MYBL1: variants seen among roughly 807,000 people sequenced by gnomAD.
MYBL1 encodes myb-related protein A.
Under a neutral mutation model 96.3 loss-of-function variants are expected in MYBL1, and 17 were observed. The ratio of observed to expected loss-of-function variants is 0.18; its 90% CI spans 0.12 to 0.26. MYBL1 has a LOEUF of 0.26. Among genes scored for constraint, MYBL1 ranks in the 10% least tolerant of loss-of-function variants. The probability of loss-of-function intolerance (pLI) is 1.00; values close to 1 mark genes in which losing one functional copy is unlikely to be tolerated. For missense variants in MYBL1, 701 were observed against 882.9 expected (o/e 0.79, Z 2.61); for synonymous variants, 282 against 292.7 (o/e 0.96, Z 0.37).
At chr8:66,598,772 T>A (rs1412872513) in intron 4 of MYBL1, among the ~76,000 whole-genome samples, 1 of 152,212 alleles carries the variant, frequency 6.6e-6, no homozygotes, top group African/African-American at 2.4e-5. Flanking sequence ...GTTGTGAAAC[T>A]GAGCTCAAAA....
intron 10 of MYBL1, among the ~76,000 whole-genome samples, chr8:66,573,778 AT>A (rs1400252737): frequency 6.6e-6 from 1 of 152,216 alleles, no homozygotes; most frequent in Non-Finnish European, 1.5e-5. Flanking sequence ...TACAAAAAAA[AT>A]ACTAAAAATT....
chr8:66,590,917 C>T (rs1362298321), intron 8 of MYBL1, among the ~76,000 whole-genome samples: 1 of 152,064 alleles, frequency 6.6e-6, no homozygotes, highest in Non-Finnish European at 1.5e-5. Flanking sequence ...CAGGGATATT[C>T]AATGTTCCCA....
At position 66,613,118 on chromosome 8, in the gene MYBL1, C is replaced by T. The variant is rs1047177137; in HGVS notation, c.-280G>A. On this transcript the variant is annotated 5_prime_UTR_variant, in exon 1 of 16. Coordinates refer to ENST00000522677, the MANE Select transcript of MYBL1 (RefSeq NM_001080416.4). ...CAGGAGGCGCGATCCCGCCCTCCGCCGGCTTCTCCCGCCGCTTGTCAGCCT... is the reference window on the plus strand; with the variant it reads ...CAGGAGGCGCGATCCCGCCCTCCGCTGGCTTCTCCCGCCGCTTGTCAGCCT... 3.0e-5 allele frequency: 12 copies of T among 403,148 alleles called. No homozygotes were observed. Among genetic ancestry groups the T allele is most frequent in the Non-Finnish European group, 5.3e-5 (12 of 228,214 alleles). 25.0% of individuals were successfully genotyped at this position (403,148 alleles called of 1,614,324 possible). A position where few individuals can be genotyped will look rare whatever the true frequency, so the allele number is the denominator to read the frequency against.
rs1159109737 is a variant in MYBL1, at chr8:66,572,016, C to T, written c.1728+466G>A. Among the ~76,000 whole-genome samples the T allele has an allele frequency of 2.0e-5, 3 of 149,764 alleles. No homozygotes were observed. The East Asian group carries it at 6.1e-4, about 30-fold the overall frequency. ...AGAAAAAGGTGAACACAAATTCAAA[C>T]TTGAAAATTAGGCCAGGTGTGGTGG... On this transcript the variant is annotated intron_variant, in intron 12 of 15. Transcript: ENST00000522677.
At chr8:66,582,337 T>C (rs1809246128) in intron 8 of MYBL1, among the ~76,000 whole-genome samples, 2 of 151,570 alleles carry the variant, frequency 1.3e-5, no homozygotes, top group African/African-American at 4.8e-5. Context: ...TGTAAAAGGA[T>C]GGAAAAAGAT....
chr8:66,588,840 T>A (rs561897823), intron 8 of MYBL1, among the ~76,000 whole-genome samples: 31 of 152,272 alleles, frequency 2.0e-4, no homozygotes, highest in African/African-American at 7.0e-4. Context: ...GCCAACATGA[T>A]GAAACCCCGT....
intron 9 of MYBL1, 142 bp from the exon 10 acceptor site, chr8:66,576,517 C>G: frequency 1.1e-6 from 1 of 908,960 alleles, no homozygotes; most frequent in South Asian, 1.8e-5. Context: ...TTTTTTTAAG[C>G]AAGACCATTT....
At chr8:66,608,718 T>C (rs1212292071) in intron 1 of MYBL1, among the ~76,000 whole-genome samples, 2 of 152,162 alleles carry the variant, frequency 1.3e-5, no homozygotes, top group East Asian at 3.8e-4. Flanking sequence ...TCTTTTGACA[T>C]TTCTGTATTA....
At chr8:66,574,980 G>A (rs756861396) in intron 10 of MYBL1, among the ~76,000 whole-genome samples, 2 of 152,176 alleles carry the variant, frequency 1.3e-5, no homozygotes, top group Non-Finnish European at 2.9e-5. Context: ...CTTGAACCCG[G>A]GAGGCGGAGG....
At chr8:66,600,136 T>C (rs1360398586) in intron 3 of MYBL1, among the ~76,000 whole-genome samples, 1 of 152,134 alleles carries the variant, frequency 6.6e-6, no homozygotes, top group Non-Finnish European at 1.5e-5. Context: ...CATCTCAAAC[T>C]CCAAAAATAA....
chr8:66,571,863 C>A (rs183730007), intron 12 of MYBL1, among the ~76,000 whole-genome samples: 1 of 145,286 alleles, frequency 6.9e-6, no homozygotes, highest in East Asian at 2.0e-4. Context: ...GGTGACAGAG[C>A]AAGACTGCGT....
chr8:66,610,320 C>A (rs180977114), intron 1 of MYBL1, among the ~76,000 whole-genome samples: 4 of 151,810 alleles, frequency 2.6e-5, no homozygotes, highest in African/African-American at 9.6e-5. Context: ...ACAGATACTA[C>A]GGCTATCTTA....
intron 1 of MYBL1, among the ~76,000 whole-genome samples, chr8:66,609,105 G>A (rs189389399): frequency 8.5e-5 from 13 of 152,158 alleles, no homozygotes; most frequent in African/African-American, 3.1e-4. Context: ...CAGGAAAATA[G>A]TTTAAGAGTA....
chr8:66,564,811 C>T lies in MYBL1; in HGVS notation c.2145G>A (p.Trp715Ter). 1 of 1,565,102 alleles carries T rather than the reference C, an allele frequency of 6.4e-7. No individual in the cohort carries two copies. Among genetic ancestry groups the T allele is most frequent in the Non-Finnish European group, 8.7e-7 (1 of 1,150,766 alleles). Residue 715 changes from tryptophan (W) to a stop codon, truncating the protein, a stop_gained, in exon 16 of 16, where the codon TGG becomes TGA. Transcript: ENST00000522677. LOFTEE classifies it high-confidence loss of function. ...LEKNLQSNCEWETVVYGKTED... is the reference protein window; with the variant it reads ...LEKNLQSNCE ...CTGTCTTCCCATAAACCACTGTTTC[C>T]CATTCACAATTTGACTAGAAAGGAA... is the stretch of plus-strand genomic sequence containing the variant.
At chr8:66,604,841 A>C (rs1810248113) in intron 1 of MYBL1, among the ~76,000 whole-genome samples, 1 of 152,248 alleles carries the variant, frequency 6.6e-6, no homozygotes, top group African/African-American at 2.4e-5. Flanking sequence ...TGGCTTTGAA[A>C]ACATAAGTAG....
At chr8:66,611,222 T>G (rs1412786753) in intron 1 of MYBL1, among the ~76,000 whole-genome samples, 1 of 152,194 alleles carries the variant, frequency 6.6e-6, no homozygotes, top group African/African-American at 2.4e-5. Context: ...CAAATAAGAT[T>G]AACATCAATA....
chr8:66,605,435 C>T (rs1810273974), intron 1 of MYBL1, among the ~76,000 whole-genome samples: 1 of 151,936 alleles, frequency 6.6e-6, no homozygotes, highest in Non-Finnish European at 1.5e-5. Context: ...AGGAAGGGGC[C>T]AAAGTCAGAA....
chr8:66,572,836 C>T (rs1808787856), intron 11 of MYBL1, among the ~76,000 whole-genome samples: 1 of 151,892 alleles, frequency 6.6e-6, no homozygotes, highest in Non-Finnish European at 1.5e-5. Flanking sequence ...TGAAAAAGTA[C>T]TAGAAATGAT....
chr8:66,580,853 CTCT>C (rs1241666160), intron 8 of MYBL1, among the ~76,000 whole-genome samples: 2,424 of 151,166 alleles, frequency 0.016, 161 homozygotes, highest in East Asian at 0.13. Flanking sequence ...ACCAGGGAAG[CTCT>C]TCTTTTTTTT....
Sources: allele counts gnomAD v4.1 joint callset (sites outside exome capture counted in the v4.1 genomes callset), GRCh38; gene constraint gnomAD v4.1.1; transcripts MANE v1.5; gene names NCBI Gene and HGNC (gene_info 2026-07-23, HGNC 2026-07-21).